PLAA: variants seen among roughly 807,000 people sequenced by gnomAD.
The protein encoded by PLAA is phospholipase A-2-activating protein.
In PLAA, 48 loss-of-function variants were observed where a neutral mutation model predicts 84.1. That is an observed-to-expected ratio of 0.57 (90% CI 0.45 to 0.73). The LOEUF (loss-of-function observed/expected upper bound fraction) is 0.73. PLAA is among the 30% of genes least tolerant of loss of function. PLAA has a pLI of 0.00. For missense variants in PLAA, 903 were observed against 954.7 expected, an observed-to-expected ratio of 0.95 and a Z score of 0.71; for synonymous variants, 392 against 336.6, an observed-to-expected ratio of 1.16 and a Z score of -1.80.
chr9:26,940,629 G>T (rs958463071), intron 1 of PLAA, among the ~76,000 whole-genome samples: 18 of 152,126 alleles, frequency 1.2e-4, no homozygotes, highest in African/African-American at 4.3e-4. Context: ...AGTTTAAAAT[G>T]GTTAAGATGG....
chr9:26,905,559 T>G lies in PLAA; in HGVS notation c.2340A>C (p.Glu780Asp), dbSNP rs1449466718. ...TACAGCATTCACTTACTTTAGCTGG[T>G]TCTGATACTGAGGAATACTTTTTTA... The part of the protein sequence containing the change: ...SQIKKYSSVS[E>D]PAKVSECCRF... Residue 780 changes from glutamate to aspartate, a missense_variant, in exon 14 of 14, where the codon GAA (glutamate) becomes GAC (aspartate). Transcript: ENST00000397292. 1 of 1,614,016 alleles carries G rather than the reference T, an allele frequency of 6.2e-7. No homozygotes were observed.
intron 1 of PLAA, among the ~76,000 whole-genome samples, chr9:26,942,737 C>G (rs1435507490): frequency 1.3e-5 from 2 of 152,002 alleles, no homozygotes; most frequent in Non-Finnish European, 2.9e-5. Flanking sequence ...AAAAAATTAG[C>G]CGGGCGCCGT....
intron 7 of PLAA, among the ~76,000 whole-genome samples, chr9:26,922,223 CTTAATA>C (rs1428417759): frequency 6.6e-6 from 1 of 150,974 alleles, no homozygotes; most frequent in African/African-American, 2.4e-5. Flanking sequence ...ACTGATAATT[CTTAATA>C]TTAATACCTC....
At chr9:26,946,346 C>T (rs959612939) in intron 1 of PLAA, among the ~76,000 whole-genome samples, 1 of 151,630 alleles carries the variant, frequency 6.6e-6, no homozygotes, top group African/African-American at 2.4e-5. Flanking sequence ...CAAGAAACAG[C>T]ACATGCACAG....
chr9:26,906,223 T>TG lies in PLAA; in HGVS notation c.1823-148_1823-147insC. 3 of 518,644 alleles carry TG rather than the reference T, an allele frequency of 5.8e-6. No individual in the cohort carries two copies. The South Asian group carries it at 1.2e-4, about 21-fold the overall frequency. The allele number at this position is 518,644 out of a possible 1,614,324, so 32.1% of individuals were successfully genotyped here. A position where few individuals can be genotyped will look rare whatever the true frequency, so the allele number is the denominator to read the frequency against. The stretch of plus-strand genomic sequence containing the variant: ...ATGTGTCTGCTTTAAAAAAAATGCA[T>TG]ATATTTCTGAAACTTTTGTTAATTT... On this transcript the variant is annotated intron_variant, in intron 13 of 13. Transcript: ENST00000397292.
At chr9:26,917,210 T>C (rs775076339) in intron 9 of PLAA, 45 bp from the exon 10 acceptor site, 1 of 1,527,874 alleles carries the variant, frequency 6.5e-7, no homozygotes. Flanking sequence ...ACCAAAGTTC[T>C]GAATTTTTCA....
intron 1 of PLAA, among the ~76,000 whole-genome samples, chr9:26,942,857 C>A (rs1172529839): frequency 8.0e-6 from 1 of 124,442 alleles, no homozygotes; most frequent in African/African-American, 3.2e-5. Context: ...CCGGCCTGGG[C>A]GACAGAGCGA....
In PLAA at chr9:26,919,295, TA is replaced by T; in HGVS notation, c.1417+14del. 1 of 1,551,964 alleles carries T rather than the reference TA, an allele frequency of 6.4e-7. No individual in the cohort carries two copies. The highest frequency in any genetic ancestry group is 8.8e-7 in the Non-Finnish European group (1 of 1,130,572). On this transcript the variant is annotated intron_variant, in intron 9 of 13. Coordinates refer to ENST00000397292, the MANE Select transcript of PLAA (RefSeq NM_001031689.3). ...TAATGGAACTACATAAGACTCAATA[TA>T]AACACTAACTTACCTGTAAATGGAT...
intron 8 of PLAA, 59 bp from the exon 9 acceptor site, chr9:26,919,588 A>T: frequency 1.1e-6 from 1 of 871,926 alleles, no homozygotes; most frequent in South Asian, 1.5e-5. Context: ...TATATTAATG[A>T]CATATACAAC....
chr9:26,929,779 G>C (rs1463167591), intron 2 of PLAA, among the ~76,000 whole-genome samples: 1 of 152,122 alleles, frequency 6.6e-6, no homozygotes, highest in Admixed American at 6.5e-5. Context: ...TTACTTATAA[G>C]CATCACCTCT....
intron 1 of PLAA, among the ~76,000 whole-genome samples, chr9:26,941,182 G>T (rs539266081): frequency 6.7e-6 from 1 of 148,584 alleles, no homozygotes; most frequent in African/African-American, 2.5e-5. Context: ...AACAAAACAC[G>T]GGGGGTGGGG....
At chr9:26,912,806 G>C (rs1824438119) in intron 11 of PLAA, among the ~76,000 whole-genome samples, 1 of 152,146 alleles carries the variant, frequency 6.6e-6, no homozygotes, top group Non-Finnish European at 1.5e-5. Context: ...ATAAAAAGTA[G>C]TAGAGCTGAG....
At chr9:26,908,506 C>T (rs761218312) in intron 12 of PLAA, among the ~76,000 whole-genome samples, 1 of 150,846 alleles carries the variant, frequency 6.6e-6, no homozygotes, top group African/African-American at 2.4e-5. Flanking sequence ...CTCTGTTGCC[C>T]AGGCTGGAGT....
chr9:26,937,151 A>G (rs939846033), intron 1 of PLAA, among the ~76,000 whole-genome samples: 4 of 151,430 alleles, frequency 2.6e-5, no homozygotes, highest in Non-Finnish European at 4.4e-5. Flanking sequence ...TCAAAAAAAG[A>G]AAAAAAAAGG....
At position 26,913,939 on chromosome 9, in the gene PLAA, G is replaced by A. The variant is rs145325113; in HGVS notation, c.1495C>T (p.Arg499Cys). 59 of 1,609,478 alleles carry A rather than the reference G, an allele frequency of 3.7e-5. No homozygotes were observed. The highest frequency in any genetic ancestry group is 3.4e-4 in the South Asian group (31 of 90,908). Residue 499 changes from arginine to cysteine, a missense_variant, in exon 11 of 14, where the codon CGT becomes TGT. By Grantham distance (180) the Arg-to-Cys change is radical (BLOSUM62 -3). Transcript: ENST00000397292. ...PTADPFTGAG[R>C]YVPGSASMGT... ...ATACTTGCAGAACCTGGTACATAAC[G>A]ACCAGCACCTACAATACAATAATAC...
rs368369595 is a variant in PLAA, at chr9:26,946,947, G to C, written c.99C>G (p.Ala33=). Residue 33 remains alanine (A), a synonymous_variant, in exon 1 of 14, where the codon GCC becomes GCG. Coordinates refer to ENST00000397292, the MANE Select transcript of PLAA (RefSeq NM_001031689.3). ...TGCGGTCTCGGGACACGGACACAAA[G>C]GCTCCCGGCGGATAGGCGCAGCACA... The part of the protein sequence containing the change: ...GLVCCAYPPG[A]FVSVSRDRTT... 1.4e-4 allele frequency: 215 copies of C among 1,587,224 alleles called. No individual in the cohort carries two copies. Among genetic ancestry groups the C allele is most frequent in the Non-Finnish European group, 1.5e-4 (172 of 1,166,770 alleles).
intron 9 of PLAA, among the ~76,000 whole-genome samples, chr9:26,918,820 G>T (rs562808489): frequency 2.5e-4 from 38 of 152,204 alleles, no homozygotes; most frequent in African/African-American, 7.9e-4. Context: ...TTTACAGACT[G>T]GTATGAGCAC....
chr9:26,909,785 G>C (rs758628184), intron 12 of PLAA, among the ~76,000 whole-genome samples: 1 of 151,854 alleles, frequency 6.6e-6, no homozygotes, highest in Non-Finnish European at 1.5e-5. Flanking sequence ...CACCACGCCC[G>C]GCTAATTTTT....
chr9:26,927,138 T>TTTTTTTTTTTTTA (rs1587172670), intron 4 of PLAA, among the ~76,000 whole-genome samples: 3 of 151,268 alleles, frequency 2.0e-5, no homozygotes, highest in Admixed American at 6.6e-5. Context: ...TTTTTTTTTT[T>TTTTTTTTTTTTTA]GAGATGGAGT....
Sources: allele counts gnomAD v4.1 joint callset (sites outside exome capture counted in the v4.1 genomes callset), GRCh38; gene constraint gnomAD v4.1.1; transcripts MANE v1.5; gene names NCBI Gene and HGNC (gene_info 2026-07-23, HGNC 2026-07-21).